DCAF8L2: variants seen among roughly 807,000 people sequenced by gnomAD.
DCAF8L2 encodes the protein DDB1 and CUL4 associated factor 8 like 2.
For synonymous variants in DCAF8L2, 200 were observed against 190.9 expected (o/e 1.05, Z -0.39); for missense variants, 430 against 490.7 (o/e 0.88, Z 1.17).
At chrX:27,675,921 G>A (rs1298233378) in intron 2 of DCAF8L2, among the ~76,000 whole-genome samples, 1 of 112,222 alleles carries the variant, frequency 8.9e-6, no homozygotes, top group Non-Finnish European at 1.9e-5. Context: ...GTAATCCGCT[G>A]TCAAGGGATG....
intron 3 of DCAF8L2, among the ~76,000 whole-genome samples, chrX:27,688,839 TTTTG>T (rs1011161876): frequency 3.7e-4 from 41 of 111,747 alleles, no homozygotes; most frequent in Non-Finnish European, 4.3e-4. Flanking sequence ...TGGAGGTCTT[TTTTG>T]TTTGTTTGTT....
chrX:27,710,975 C>T (rs190250886), intron 3 of DCAF8L2, among the ~76,000 whole-genome samples: 21 of 111,652 alleles, frequency 1.9e-4, no homozygotes, highest in Non-Finnish European at 3.6e-4. Flanking sequence ...TTTTGTAAAA[C>T]GATTTTTCTG....
intron 1 of DCAF8L2, among the ~76,000 whole-genome samples, chrX:27,598,974 A>AAT (rs1555917080): frequency 0.012 from 1,080 of 92,166 alleles, 4 homozygotes; most frequent in African/African-American, 0.04. Flanking sequence ...AAAAAAAAAA[A>AAT]ATATATATAT....
At chrX:27,612,980 G>T (rs1399191126) in intron 1 of DCAF8L2, among the ~76,000 whole-genome samples, 5 of 111,206 alleles carry the variant, frequency 4.5e-5, no homozygotes, top group African/African-American at 1.6e-4. Flanking sequence ...TTTCCAATTT[G>T]GTCAAGAAAG....
At chrX:27,667,344 A>ATG (rs1929777298) in intron 2 of DCAF8L2, among the ~76,000 whole-genome samples, 1 of 111,959 alleles carries the variant, frequency 8.9e-6, no homozygotes, top group Non-Finnish European at 1.9e-5. Context: ...GTTAGGTTGT[A>ATG]CAGGAAGTTC....
chrX:27,564,868 A>G, the DCAF8L2 span, among the ~76,000 whole-genome samples: 1 of 109,694 alleles, frequency 9.1e-6, no homozygotes, highest in African/African-American at 3.3e-5. Flanking sequence ...AATTTTTTGT[A>G]GAAACGGGGG....
intron 3 of DCAF8L2, among the ~76,000 whole-genome samples, chrX:27,702,314 GAA>G (rs76716850): frequency 4.2e-4 from 43 of 103,159 alleles, no homozygotes; most frequent in African/African-American, 1.3e-3. Flanking sequence ...CAAATTCTTT[GAA>G]AAAAAAAATA....
chrX:27,695,974 C>G (rs1930878766), intron 3 of DCAF8L2, among the ~76,000 whole-genome samples: 1 of 109,712 alleles, frequency 9.1e-6, no homozygotes, highest in South Asian at 3.9e-4. Flanking sequence ...GCAGACAGAT[C>G]ACTTGAAATC....
chrX:27,706,538 C>T (rs1398662440), intron 3 of DCAF8L2, among the ~76,000 whole-genome samples: 1 of 111,493 alleles, frequency 9.0e-6, no homozygotes, highest in Non-Finnish European at 1.9e-5. Context: ...AGATGCTCAA[C>T]ATCATTAGTC....
chrX:27,721,643 G>A (rs1235394405), intron 4 of DCAF8L2, among the ~76,000 whole-genome samples: 1 of 110,980 alleles, frequency 9.0e-6, no homozygotes. Context: ...AAATAATAAA[G>A]TAGATTAGCT....
At chrX:27,726,433 A>C (rs936839327) in intron 4 of DCAF8L2, among the ~76,000 whole-genome samples, 3 of 111,607 alleles carry the variant, frequency 2.7e-5, no homozygotes, top group African/African-American at 9.7e-5. Flanking sequence ...CAACAATTTT[A>C]TAAGCTTTTA....
chrX:27,542,047 T>C, the DCAF8L2 span, among the ~76,000 whole-genome samples: 1 of 99,958 alleles, frequency 1.0e-5, no homozygotes, highest in African/African-American at 3.7e-5. Context: ...TATGGTTGCA[T>C]AGTATTCCAT....
chrX:27,674,970 C>T (rs1930091533), intron 2 of DCAF8L2, among the ~76,000 whole-genome samples: 1 of 111,598 alleles, frequency 9.0e-6, no homozygotes, highest in Admixed American at 9.6e-5. Context: ...GAACTACACT[C>T]ACTCATAGGT....
intron 3 of DCAF8L2, among the ~76,000 whole-genome samples, chrX:27,708,680 T>A (rs1053914734): frequency 8.9e-6 from 1 of 112,467 alleles, no homozygotes; most frequent in Non-Finnish European, 1.9e-5. Context: ...ATTTAGTAGA[T>A]GCCAAAGGCA....
chrX:27,655,318 T>C (rs1012343868), intron 2 of DCAF8L2, among the ~76,000 whole-genome samples: 5 of 112,343 alleles, frequency 4.5e-5, no homozygotes, highest in Admixed American at 2.8e-4. Context: ...AATTATTAAA[T>C]GGTTTTAGCT....
At chrX:27,488,414 G>T in the DCAF8L2 span, among the ~76,000 whole-genome samples, 3 of 111,046 alleles carry the variant, frequency 2.7e-5, no homozygotes, top group African/African-American at 9.8e-5. Flanking sequence ...CATATGATTT[G>T]TAAATGCTGT....
intron 1 of DCAF8L2, among the ~76,000 whole-genome samples, chrX:27,602,147 T>C (rs745914370): frequency 1.8e-5 from 2 of 111,268 alleles, no homozygotes; most frequent in African/African-American, 6.5e-5. Context: ...GCAATTCTCC[T>C]GCCTCAGCCT....
intron 3 of DCAF8L2, among the ~76,000 whole-genome samples, chrX:27,702,224 T>C (rs1931153352): frequency 9.1e-6 from 1 of 109,957 alleles, no homozygotes; most frequent in African/African-American, 3.3e-5. Context: ...CTGCCACTAA[T>C]ACACAAAACA....
Position 27,660,787 on chromosome X carries a change from G to A in DCAF8L2, c.-219-17049G>A, listed in dbSNP as rs185517242. Among the ~76,000 whole-genome samples, 25 of 112,005 alleles carry A rather than the reference G, an allele frequency of 2.2e-4. 1 individual carries two copies. The East Asian group carries it at 6.8e-3, about 31-fold the overall frequency. ...CCCAGGCAGGCAAGTCTCAGGTGCC[G>A]GGGAGCATGTACTTTAGTTCCCTGT... On this transcript the variant is annotated intron_variant, in intron 2 of 4. Coordinates refer to ENST00000451261, the MANE Select transcript of DCAF8L2 (RefSeq NM_001353450.2).
Sources: allele counts gnomAD v4.1 joint callset (sites outside exome capture counted in the v4.1 genomes callset), GRCh38; gene constraint gnomAD v4.1.1; transcripts MANE v1.5; gene names NCBI Gene and HGNC (gene_info 2026-07-23, HGNC 2026-07-21).